The following LRRC49 variants were observed in gnomAD, a reference collection of about 807,000 sequenced individuals.
LRRC49 encodes leucine rich repeat containing 49, also known as leucine-rich repeat-containing protein 49.
In LRRC49, 50 loss-of-function variants were observed where a neutral mutation model predicts 83.3. That is an observed-to-expected ratio of 0.60 (90% CI 0.48 to 0.76). LRRC49 has a LOEUF of 0.76. LRRC49 is among the 30% of genes least tolerant of loss of function. LRRC49 has a pLI of 0.00. For missense variants in LRRC49, 704 were observed against 809.1 expected (o/e 0.87, Z 1.58); for synonymous variants, 286 against 283.3 (o/e 1.01, Z -0.10).
intron 8 of LRRC49, among the ~76,000 whole-genome samples, chr15:70,959,235 G>A (rs1369929245): frequency 5.3e-5 from 8 of 152,186 alleles, no homozygotes; most frequent in Non-Finnish European, 1.2e-4. Flanking sequence ...GCTCACGCCT[G>A]TAATCCCAGC....
At chr15:70,920,063 C>G (rs2034952886) in intron 7 of LRRC49, among the ~76,000 whole-genome samples, 1 of 152,144 alleles carries the variant, frequency 6.6e-6, no homozygotes, top group African/African-American at 2.4e-5. Context: ...ATTATTTGCT[C>G]TTTTAAGAAG....
intron 8 of LRRC49, among the ~76,000 whole-genome samples, chr15:70,962,879 T>C (rs1401431869): frequency 6.6e-6 from 1 of 152,080 alleles, no homozygotes; most frequent in Non-Finnish European, 1.5e-5. Context: ...GATGCAATGG[T>C]AACTTTACAT....
At chr15:70,899,775 T>G (rs1017513153) in intron 3 of LRRC49, among the ~76,000 whole-genome samples, 2 of 152,212 alleles carry the variant, frequency 1.3e-5, no homozygotes, top group Admixed American at 6.5e-5. Flanking sequence ...GATTTGGTTT[T>G]CATCTTTTTG....
intron 9 of LRRC49, among the ~76,000 whole-genome samples, chr15:70,971,938 T>C (rs180902640): frequency 6.6e-6 from 1 of 152,206 alleles, no homozygotes; most frequent in Admixed American, 6.5e-5. Context: ...CTTTATCCAA[T>C]TTGCCAGTCT....
At chr15:70,881,067 T>A (rs889585020) in intron 2 of LRRC49, among the ~76,000 whole-genome samples, 1 of 152,060 alleles carries the variant, frequency 6.6e-6, no homozygotes, top group South Asian at 2.1e-4. Flanking sequence ...TTACAAAAAA[T>A]TTAAAAAACA....
intron 9 of LRRC49, among the ~76,000 whole-genome samples, chr15:70,972,475 T>A (rs36175632): frequency 0.012 from 1,769 of 152,288 alleles, 16 homozygotes; most frequent in Non-Finnish European, 0.018. Flanking sequence ...AGGTTGATTT[T>A]CTTGAGGAGT....
At chr15:70,940,104 G>A (rs2035753935) in intron 8 of LRRC49, among the ~76,000 whole-genome samples, 1 of 151,766 alleles carries the variant, frequency 6.6e-6, no homozygotes, top group South Asian at 2.1e-4. Context: ...TTATATTTCA[G>A]CTTGATAAGT....
chr15:70,904,846 T>C (rs995378330), intron 5 of LRRC49, 91 bp downstream of exon 5: 23 of 933,968 alleles, frequency 2.5e-5, no homozygotes, highest in Non-Finnish European at 3.5e-5. Flanking sequence ...ACTTAAGAAA[T>C]GAATAGGCTA....
intron 15 of LRRC49, among the ~76,000 whole-genome samples, chr15:71,048,456 A>G (rs532699225): frequency 6.4e-4 from 98 of 152,176 alleles, no homozygotes; most frequent in Middle Eastern, 3.4e-3. Flanking sequence ...TTTTGACTTG[A>G]GTTGGAGATT....
intron 1 of LRRC49, among the ~76,000 whole-genome samples, chr15:70,867,558 C>A (rs1270322534): frequency 2.0e-5 from 3 of 152,128 alleles, no homozygotes; most frequent in African/African-American, 7.2e-5. Context: ...AATTAAGTAA[C>A]TTGCTAAAGG....
At chr15:70,930,516 T>A (rs2035367539) in intron 7 of LRRC49, among the ~76,000 whole-genome samples, 1 of 152,236 alleles carries the variant, frequency 6.6e-6, no homozygotes, top group Non-Finnish European at 1.5e-5. Flanking sequence ...TGGCTTCATC[T>A]TAATGTCAAC....
At chr15:70,957,909 A>G in intron 8 of LRRC49, among the ~76,000 whole-genome samples, 2 of 152,338 alleles carry the variant, frequency 1.3e-5, no homozygotes, top group South Asian at 4.1e-4. Context: ...TTTATAGTTT[A>G]AAATTTCTCT....
At position 71,011,216 on chromosome 15, in the gene LRRC49, C is replaced by T. The variant is rs543154031; in HGVS notation, c.1593+1224C>T. ...GTGAGGTTGTGAGTCCCTGGAAGGA[C>T]CTAATAATTAGTCCTAAAGGTTTTC... On this transcript the variant is annotated intron_variant, in intron 13 of 15. Transcript: ENST00000260382. 5.9e-5 allele frequency among the ~76,000 whole-genome samples: 9 copies of T among 152,126 alleles called. 1 individual carries two copies. The South Asian group carries it at 1.7e-3, about 28-fold the overall frequency.
upstream of LRRC49, chr15:70,892,000 C>A: frequency 6.2e-7 from 1 of 1,613,052 alleles, no homozygotes; most frequent in Non-Finnish European, 8.5e-7. Context: ...GGGCGGGCAC[C>A]CGGTGCAGGG....
chr15:71,030,852 G>C (rs551876923), intron 14 of LRRC49, among the ~76,000 whole-genome samples: 1 of 152,010 alleles, frequency 6.6e-6, no homozygotes, highest in South Asian at 2.1e-4. Context: ...CTCGTGCTGT[G>C]TTTTTCAGCT....
chr15:70,965,695 T>A (rs997095834), intron 9 of LRRC49, among the ~76,000 whole-genome samples: 2 of 152,142 alleles, frequency 1.3e-5, no homozygotes, highest in African/African-American at 2.4e-5. Flanking sequence ...CAACATGTTC[T>A]TCATATTTAT....
chr15:70,908,090 G>C, intron 5 of LRRC49: 1 of 437,186 alleles, frequency 2.3e-6, no homozygotes, highest in Non-Finnish European at 4.7e-6. Context: ...GGTTGGTCTT[G>C]GGTTTAACTG....
At chr15:70,863,808 C>G (rs1326690626) in intron 1 of LRRC49, among the ~76,000 whole-genome samples, 2 of 152,214 alleles carry the variant, frequency 1.3e-5, no homozygotes, top group African/African-American at 2.4e-5. Flanking sequence ...AACTGAAAAG[C>G]CTGTTTTCCT....
At chr15:70,990,540 C>T (rs185384082) in intron 11 of LRRC49, among the ~76,000 whole-genome samples, 67 of 152,306 alleles carry the variant, frequency 4.4e-4, no homozygotes, top group African/African-American at 1.5e-3. Flanking sequence ...CATCTGTCAC[C>T]GCTTTCTTTG....
Sources: allele counts gnomAD v4.1 joint callset (sites outside exome capture counted in the v4.1 genomes callset), GRCh38; gene constraint gnomAD v4.1.1; transcripts MANE v1.5; gene names NCBI Gene and HGNC (gene_info 2026-07-23, HGNC 2026-07-21).